Variants in FOXP1 observed in about 807,000 individuals in gnomAD.
FOXP1 encodes forkhead box P1.
FOXP1 carries 15 observed loss-of-function variants against 98.2 expected under a neutral mutation model. The observed-to-expected ratio is 0.15, with a 90% CI of 0.10 to 0.24. FOXP1 has a LOEUF of 0.24. Ranked by LOEUF, FOXP1 falls within the 10% of genes least tolerant of loss-of-function variation. The probability of loss-of-function intolerance (pLI) is 1.00; values close to 1 mark genes in which losing one functional copy is unlikely to be tolerated. For synonymous variants in FOXP1, 371 were observed against 314.5 expected (o/e 1.18, Z -1.90); for missense variants, 633 against 848.5 (o/e 0.75, Z 3.15).
chr3:71,317,132 C>T (rs1435810061), intron 4 of FOXP1, among the ~76,000 whole-genome samples: 1 of 152,130 alleles, frequency 6.6e-6, no homozygotes, highest in Non-Finnish European at 1.5e-5. Context: ...CTTTTACTAC[C>T]CTCTAGGAAA....
At chr3:71,403,080 A>G (rs1481188325) in intron 3 of FOXP1, among the ~76,000 whole-genome samples, 2 of 152,220 alleles carry the variant, frequency 1.3e-5, no homozygotes, top group Non-Finnish European at 1.5e-5. Flanking sequence ...TTCTCAAAAG[A>G]GGAAGTTTAC....
At chr3:71,367,704 T>C (rs1467553610) in intron 3 of FOXP1, among the ~76,000 whole-genome samples, 1 of 152,240 alleles carries the variant, frequency 6.6e-6, no homozygotes, top group East Asian at 1.9e-4. Flanking sequence ...TGGATCATTT[T>C]TCATATCATT....
chr3:71,369,181 C>T (rs905042451), intron 3 of FOXP1, among the ~76,000 whole-genome samples: 3 of 151,962 alleles, frequency 2.0e-5, no homozygotes, highest in East Asian at 2.0e-4. Flanking sequence ...GAAGGTCAGG[C>T]GTTCGAGACC....
In FOXP1 at chr3:71,441,370, A is replaced by C. The variant is rs377042160; in HGVS notation, c.-168+52056T>G. On this transcript the variant is annotated intron_variant, in intron 3 of 20. Transcript: ENST00000649528. ...ACACATCCCACCGTGCACAGCACAG[A>C]CCCCACAACAAAGAACTTTCTGGCC... Among the ~76,000 whole-genome samples the C allele has an allele frequency of 1.1e-4, 16 of 152,328 alleles. No individual in the cohort carries two copies. The East Asian group carries it at 2.1e-3, about 20-fold the overall frequency.
At position 71,015,746 on chromosome 3, in the gene FOXP1, G is replaced by A. The variant is rs1480873081; in HGVS notation, c.870-93C>T. On this transcript the variant is annotated intron_variant, in intron 11 of 20. Transcript: ENST00000649528. ...TAAAAAAGGCAGGAGGAGCCCACAT[G>A]GCCAAATGTGGACAAGACAAATCTG... is the stretch of plus-strand genomic sequence containing the variant. The A allele has an allele frequency of 6.5e-6, 5 of 775,024 alleles. No individual in the cohort carries two copies. In the African/African-American group the frequency reaches 6.9e-5, roughly 11 times the overall value. 48.0% of individuals were successfully genotyped at this position (775,024 alleles called of 1,614,324 possible). A position where few individuals can be genotyped will look rare whatever the true frequency, so the allele number is the denominator to read the frequency against.
At chr3:71,082,127 A>T (rs2054491727) in intron 7 of FOXP1, among the ~76,000 whole-genome samples, 1 of 151,750 alleles carries the variant, frequency 6.6e-6, no homozygotes, top group Non-Finnish European at 1.5e-5. Context: ...AAAAATACAA[A>T]AATGAGCTGG....
chr3:71,496,543 C>T (rs1422444790), intron 2 of FOXP1, among the ~76,000 whole-genome samples: 3 of 152,094 alleles, frequency 2.0e-5, no homozygotes, highest in African/African-American at 4.8e-5. Context: ...TCTATGTGGC[C>T]GGCCACAGTG....
chr3:71,563,894 C>T (rs939982099), intron 2 of FOXP1, among the ~76,000 whole-genome samples: 1 of 152,220 alleles, frequency 6.6e-6, no homozygotes, highest in Non-Finnish European at 1.5e-5. Context: ...CAAGCTGGTG[C>T]CAAACTGCCG....
At chr3:71,274,195 T>C (rs1457102979) in intron 5 of FOXP1, among the ~76,000 whole-genome samples, 2 of 152,230 alleles carry the variant, frequency 1.3e-5, no homozygotes, top group Non-Finnish European at 2.9e-5. Context: ...TTATTCATCT[T>C]AGTGTTCCCA....
At chr3:71,173,383 T>TCACA (rs3064895) in intron 6 of FOXP1, among the ~76,000 whole-genome samples, 6,452 of 143,238 alleles carry the variant, frequency 0.045, 273 homozygotes, top group African/African-American at 0.093. Flanking sequence ...AAGAAAAAAT[T>TCACA]CACACACACA....
chr3:71,131,547 T>G (rs1475694622), intron 6 of FOXP1, among the ~76,000 whole-genome samples: 1 of 152,192 alleles, frequency 6.6e-6, no homozygotes, highest in East Asian at 1.9e-4. Flanking sequence ...GTGCTAATAC[T>G]CGGCTAAAAT....
Position 71,093,381 on chromosome 3 carries a change from G to A in FOXP1, c.282+19155C>T, listed in dbSNP as rs539261093. On this transcript the variant is annotated intron_variant, in intron 7 of 20. Transcript: ENST00000649528. ...TATATCTGCATTAATCAAAATAATA[G>A]CCACTGGCCACATATGGCTATTTAA... 4.1e-5 allele frequency among the ~76,000 whole-genome samples: 6 copies of A among 146,898 alleles called. No homozygotes were observed. The South Asian group carries it at 6.6e-4, about 16-fold the overall frequency.
chr3:71,038,121 G>A (rs2047852226), intron 11 of FOXP1, among the ~76,000 whole-genome samples: 1 of 152,176 alleles, frequency 6.6e-6, no homozygotes, highest in Non-Finnish European at 1.5e-5. Flanking sequence ...AATGCACGGG[G>A]GCAAGAGTGG....
chr3:71,466,683 G>A (rs1234483611), intron 3 of FOXP1, among the ~76,000 whole-genome samples: 2 of 152,158 alleles, frequency 1.3e-5, no homozygotes, highest in Non-Finnish European at 2.9e-5. Flanking sequence ...CTGACTCAGC[G>A]CTGAGTGCAG....
chr3:71,063,948 G>A (rs182677889), intron 7 of FOXP1, among the ~76,000 whole-genome samples: 18 of 152,102 alleles, frequency 1.2e-4, no homozygotes, highest in African/African-American at 1.9e-4. Context: ...GGAGGAGAGG[G>A]GTAAAAAGTC....
At position 71,366,730 on chromosome 3, in the gene FOXP1, G is replaced by C. The variant is rs576031031; in HGVS notation, c.-167-7486C>G. Among the ~76,000 whole-genome samples, 4 of 152,304 alleles carry C rather than the reference G, an allele frequency of 2.6e-5. No individual in the cohort carries two copies. In the South Asian group the frequency reaches 6.2e-4, roughly 24 times the overall value. ...CCAGACTAGAAGTGTCTTGAGAGCAGAGATTCATGTTATTTCTCATGCCCC... is the reference window on the plus strand; with the variant it reads ...CCAGACTAGAAGTGTCTTGAGAGCACAGATTCATGTTATTTCTCATGCCCC... On this transcript the variant is annotated intron_variant, in intron 3 of 20. Coordinates refer to ENST00000649528, the MANE Select transcript of FOXP1 (RefSeq NM_001349338.3).
rs144157226 is a variant in FOXP1, at chr3:71,439,926, C to T, written c.-168+53500G>A. On this transcript the variant is annotated intron_variant, in intron 3 of 20. Transcript: ENST00000649528. Reference sequence around the variant, plus strand: ...GCACCATTGCACACTCCAGCCTGGGCGAGAGAGTGAGACTCTGTCTCAGGA... The same window carrying T: ...GCACCATTGCACACTCCAGCCTGGGTGAGAGAGTGAGACTCTGTCTCAGGA... 1.8e-3 allele frequency among the ~76,000 whole-genome samples: 241 copies of T among 130,558 alleles called. 3 individuals carry two copies. The highest frequency in any genetic ancestry group is 6.9e-3 in the African/African-American group (230 of 33,192). 85.7% of individuals were successfully genotyped at this position (130,558 alleles called of 152,430 possible). A position where few individuals can be genotyped will look rare whatever the true frequency, so the allele number is the denominator to read the frequency against.
chr3:71,374,607 A>T (rs921977053), intron 3 of FOXP1, among the ~76,000 whole-genome samples: 11 of 151,098 alleles, frequency 7.3e-5, no homozygotes, highest in African/African-American at 2.7e-4. Flanking sequence ...AAAAAAAAAT[A>T]AAAATAAAAA....
chr3:71,179,010 T>TAAAA (rs202156226), intron 6 of FOXP1, among the ~76,000 whole-genome samples: 7 of 128,750 alleles, frequency 5.4e-5, no homozygotes, highest in Non-Finnish European at 1.2e-4. Context: ...GCACTCTGTC[T>TAAAA]AAAAAAAAAA....
Sources: gnomAD v4.1 joint callset for allele counts (sites outside exome capture counted in the v4.1 genomes callset) on GRCh38, gnomAD v4.1.1 for gene constraint, MANE v1.5 for transcripts, NCBI Gene and HGNC (gene_info 2026-07-23, HGNC 2026-07-21) for gene names.